The following NAA15 variants were observed in gnomAD, a reference collection of about 807,000 sequenced individuals.
NAA15 encodes the protein N-alpha-acetyltransferase 15, NatA auxiliary subunit.
NAA15 carries 34 observed loss-of-function variants against 114.0 expected under a neutral mutation model. The ratio of observed to expected loss-of-function variants is 0.30; its 90% CI spans 0.23 to 0.40. The LOEUF (loss-of-function observed/expected upper bound fraction) is 0.40, where lower values mean the gene tolerates loss of function less well. NAA15 is among the 10% of genes least tolerant of loss of function. The pLI is 1.00. For synonymous variants in NAA15, 340 were observed against 338.0 expected (o/e 1.01, Z -0.06); for missense variants, 658 against 1,004.5 (o/e 0.66, Z 4.66).
intron 1 of NAA15, among the ~76,000 whole-genome samples, chr4:139,319,618 A>C (rs1267536015): frequency 6.6e-6 from 1 of 151,738 alleles, no homozygotes; most frequent in Non-Finnish European, 1.5e-5. Flanking sequence ...TATTTTTAGT[A>C]GAGATGGGTT....
chr4:139,321,027 C>T (rs944692089), intron 1 of NAA15, among the ~76,000 whole-genome samples: 1 of 152,162 alleles, frequency 6.6e-6, no homozygotes, highest in South Asian at 2.1e-4. Flanking sequence ...GTGACTGTGT[C>T]TAGCTAGAGA....
chr4:139,382,719 C>T (rs1353126539), intron 17 of NAA15, among the ~76,000 whole-genome samples: 1 of 152,122 alleles, frequency 6.6e-6, no homozygotes, highest in Non-Finnish European at 1.5e-5. Context: ...GTTGAAAGTA[C>T]AGCCATAGTA....
intron 16 of NAA15, among the ~76,000 whole-genome samples, chr4:139,377,075 A>G (rs888480146): frequency 4.6e-5 from 7 of 152,216 alleles, no homozygotes; most frequent in Non-Finnish European, 8.8e-5. Context: ...TACTGAGTTA[A>G]TATTTTCCAA....
chr4:139,360,313 A>G (rs1249259912), intron 12 of NAA15, among the ~76,000 whole-genome samples, 187 bp from the exon 13 acceptor site: 1 of 152,166 alleles, frequency 6.6e-6, no homozygotes, highest in Non-Finnish European at 1.5e-5. Context: ...TCACCTGTGA[A>G]ACTACAAATT....
At chr4:139,351,684 T>C in intron 9 of NAA15, 73 bp downstream of exon 9, 2 of 833,598 alleles carry the variant, frequency 2.4e-6, no homozygotes, top group Non-Finnish European at 4.1e-6. Flanking sequence ...GATTCTTGAT[T>C]ATCTCTGCAC....
At chr4:139,349,639 T>G (rs1326961163) in intron 7 of NAA15, 58 bp downstream of exon 7, 1 of 1,476,030 alleles carries the variant, frequency 6.8e-7, no homozygotes, top group Non-Finnish European at 9.1e-7. Context: ...ATATATTTTA[T>G]TTACTCATTG....
At chr4:139,363,804 C>A (rs1748202782) in intron 14 of NAA15, among the ~76,000 whole-genome samples, 1 of 152,164 alleles carries the variant, frequency 6.6e-6, no homozygotes, top group Non-Finnish European at 1.5e-5. Flanking sequence ...ATTGCCAGCT[C>A]TGAAGGTTAT....
At chr4:139,321,471 G>GTT (rs909254599) in intron 1 of NAA15, among the ~76,000 whole-genome samples, 17,056 of 113,080 alleles carry the variant, frequency 0.15, 1,565 homozygotes, top group Non-Finnish European at 0.19. Flanking sequence ...GCCCTTATTT[G>GTT]TTTTTTTTTT....
chr4:139,362,610 T>C (rs1748168271), intron 14 of NAA15, among the ~76,000 whole-genome samples: 1 of 152,210 alleles, frequency 6.6e-6, no homozygotes, highest in Admixed American at 6.5e-5. Flanking sequence ...CTCTTTTTAA[T>C]AGTAATTTAT....
chr4:139,384,956 T>C lies in NAA15; in HGVS notation c.2280T>C (p.Asp760=), dbSNP rs776263479. Residue 760 remains aspartate (D), a synonymous_variant, in exon 18 of 20, where the codon GAT becomes GAC. Coordinates refer to ENST00000296543, the MANE Select transcript of NAA15 (RefSeq NM_057175.5). ...AAACTTTTCTGAAAAGGAATTCTGA[T>C]TCATTGCCACACAGATTATCAGGTA... The part of the protein sequence containing the change: ...FNETFLKRNS[D]SLPHRLSAAK... 3.2e-6 allele frequency: 5 copies of C among 1,569,538 alleles called. No homozygotes were observed. Among genetic ancestry groups the C allele is most frequent in the Non-Finnish European group, 3.4e-6 (4 of 1,161,588 alleles).
chr4:139,336,184 A>G (rs1014210472), intron 2 of NAA15, among the ~76,000 whole-genome samples: 3 of 152,218 alleles, frequency 2.0e-5, no homozygotes, highest in Non-Finnish European at 4.4e-5. Context: ...TCAATCAAAT[A>G]AATTAAAAAG....
chr4:139,303,218 C>CAAACA (rs1436582867), intron 1 of NAA15, among the ~76,000 whole-genome samples: 2 of 152,088 alleles, frequency 1.3e-5, no homozygotes, highest in South Asian at 2.1e-4. Flanking sequence ...TGTTTTAAGA[C>CAAACA]TAAGAGTGTA....
At chr4:139,307,977 T>TTA (rs1746079408) in intron 1 of NAA15, among the ~76,000 whole-genome samples, 1 of 151,918 alleles carries the variant, frequency 6.6e-6, no homozygotes, top group African/African-American at 2.4e-5. Flanking sequence ...TATTATTATT[T>TTA]TTTTGAGACG....
chr4:139,374,623 T>C (rs911610248), intron 15 of NAA15, among the ~76,000 whole-genome samples: 2 of 152,254 alleles, frequency 1.3e-5, no homozygotes, highest in Non-Finnish European at 2.9e-5. Flanking sequence ...ATACTGATTT[T>C]AGACTTGCAT....
intron 3 of NAA15, among the ~76,000 whole-genome samples, chr4:139,340,547 A>G (rs1226369892): frequency 6.6e-6 from 1 of 152,100 alleles, no homozygotes; most frequent in Non-Finnish European, 1.5e-5. Flanking sequence ...ACATATATAT[A>G]TATTGACTTT....
In NAA15 at chr4:139,364,590, TGTA is replaced by T. The variant is rs928687115; in HGVS notation, c.1753+2658_1753+2660del. ...TCATGATAAATTCTGAAAAAAATAA[TGTA>T]GTAGGTCATAGGCATGGTTTCTTGG... On this transcript the variant is annotated intron_variant, in intron 14 of 19. Transcript: ENST00000296543. 5.1e-4 allele frequency among the ~76,000 whole-genome samples: 77 copies of T among 152,280 alleles called. 1 individual carries two copies. Among genetic ancestry groups the T allele is most frequent in the African/African-American group, 1.7e-3 (72 of 41,570 alleles).
chr4:139,342,860 C>T lies in NAA15; in HGVS notation c.437C>T (p.Ala146Val). ...TATCAGTTACTTCAGCTTCGACCTGCGCAGAGAGCATCATGGATTGGTTAT... is the reference window on the plus strand; with the variant it reads ...TATCAGTTACTTCAGCTTCGACCTGTGCAGAGAGCATCATGGATTGGTTAT... ...TRYQLLQLRP[A>V]QRASWIGYAI... The change falls in exon 5 of 20, where the codon GCG becomes GTG. Residue 146 changes from alanine (A) to valine (V), a missense_variant. By Grantham distance (64) the Ala-to-Val change is moderately conservative. Transcript: ENST00000296543. 1.2e-6 allele frequency: 2 copies of T among 1,613,630 alleles called. No individual in the cohort carries two copies. Among genetic ancestry groups the T allele is most frequent in the Non-Finnish European group, 1.7e-6 (2 of 1,179,708 alleles).
At chr4:139,353,751 C>T (rs1410422985) in intron 9 of NAA15, among the ~76,000 whole-genome samples, 1 of 152,158 alleles carries the variant, frequency 6.6e-6, no homozygotes, top group African/African-American at 2.4e-5. Flanking sequence ...AAATCATCCA[C>T]AATATTGCCT....
At chr4:139,355,170 C>T (rs192040751) in intron 10 of NAA15, among the ~76,000 whole-genome samples, 6 of 152,292 alleles carry the variant, frequency 3.9e-5, no homozygotes, top group East Asian at 1.9e-4. Context: ...TGAGCCACCA[C>T]GCCTGACAAA....
Sources: allele counts gnomAD v4.1 joint callset (sites outside exome capture counted in the v4.1 genomes callset), GRCh38; gene constraint gnomAD v4.1.1; transcripts MANE v1.5; gene names NCBI Gene and HGNC (gene_info 2026-07-23, HGNC 2026-07-21).